Variants in ANKRD53 observed in about 807,000 individuals in gnomAD.
The protein encoded by ANKRD53 is ankyrin repeat domain 53, also known as ankyrin repeat domain-containing protein 53.
ANKRD53 carries 27 observed loss-of-function variants against 30.1 expected under a neutral mutation model. The ratio of observed to expected loss-of-function variants is 0.90; its 90% CI spans 0.66 to 1.24. The LOEUF (loss-of-function observed/expected upper bound fraction) is 1.24, where lower values mean the gene tolerates loss of function less well. Ranked by LOEUF, ANKRD53 falls within the 50% of genes most tolerant of loss-of-function variation. The pLI, the probability that ANKRD53 is intolerant of heterozygous loss-of-function variation, is 0.00. For missense variants in ANKRD53, 682 were observed against 721.0 expected (o/e 0.95, Z 0.62); for synonymous variants, 286 against 295.4 (o/e 0.97, Z 0.33).
At chr2:70,983,448 G>A (rs1670070590) in intron 5 of ANKRD53, among the ~76,000 whole-genome samples, 1 of 152,186 alleles carries the variant, frequency 6.6e-6, no homozygotes, top group Non-Finnish European at 1.5e-5. Flanking sequence ...GGAAGAAAGG[G>A]GATTTTAAGC....
Position 70,985,172 on chromosome 2 carries a change from G to A in ANKRD53, c.1465G>A (p.Gly489Ser), listed in dbSNP as rs1553424611. ...GGAAGTGCCCAGGAAGCGGCACCTG[G>A]GTGACAACACCTTCTGGACCGACAC... ...MREVPRKRHL[G>S]DNTFWTDTLA... The change falls in exon 6 of 6, where the codon GGT becomes AGT. Residue 489 changes from glycine to serine, a missense_variant. Gly to Ser is a moderately conservative substitution (Grantham distance 56). Transcript: ENST00000360589. 6.4e-7 allele frequency: 1 copy of A among 1,551,268 alleles called. No homozygotes were observed. The highest frequency in any genetic ancestry group is 8.7e-7 in the Non-Finnish European group (1 of 1,146,912).
At position 70,984,395 on chromosome 2, in the gene ANKRD53, G is replaced by A. The variant is rs939983835; in HGVS notation, c.904-216G>A. On this transcript the variant is annotated intron_variant, in intron 5 of 5. Coordinates refer to ENST00000360589, the MANE Select transcript of ANKRD53 (RefSeq NM_001115116.2). Reference sequence around the variant, plus strand: ...CTTTGTCTCCCCACTCAGCCCAGGGGCTCCCTTATGGAAAAAGTTGTCTCC... The same window carrying A: ...CTTTGTCTCCCCACTCAGCCCAGGGACTCCCTTATGGAAAAAGTTGTCTCC... 5.1e-6 allele frequency: 8 copies of A among 1,558,454 alleles called. No individual in the cohort carries two copies. The Admixed American group carries it at 8.5e-5, about 17-fold the overall frequency.
Position 70,978,807 on chromosome 2 carries a change from G to A in ANKRD53, c.162G>A (p.Lys54=). 6.4e-7 allele frequency: 1 copy of A among 1,564,922 alleles called. No individual in the cohort carries two copies. The highest frequency in any genetic ancestry group is 1.4e-5 in the African/African-American group (1 of 73,382). ...LKATWTDAES[K]QPSQPLPDLA... is the part of the protein sequence containing the mutation. ...CCACCTGGACTGACGCGGAGTCCAA[G>A]CAGCCCAGGTGGGTAGCGGGAGAAG... The change falls in exon 1 of 6, where the codon AAG becomes AAA. Residue 54 remains lysine, a synonymous_variant. Coordinates refer to ENST00000360589, the MANE Select transcript of ANKRD53 (RefSeq NM_001115116.2). This position sits in a 1 kb window ranked among gnomAD's most constrained non-coding sequence, Gnocchi z 4.3.
chr2:70,984,107 T>C, intron 5 of ANKRD53: 4 of 1,606,678 alleles, frequency 2.5e-6, no homozygotes, highest in Non-Finnish European at 3.4e-6. Context: ...CAGTCCTTTC[T>C]GCTTTCTCTT....
Position 70,978,877 on chromosome 2 carries a change from G to T in ANKRD53, c.170+62G>T, listed in dbSNP as rs1395324672. ...CGAGAACCCGGCCCAGCGCCTCCCTGGTGGGCAGGGCCTGGAGCGGGCGGG... is the reference window on the plus strand; with the variant it reads ...CGAGAACCCGGCCCAGCGCCTCCCTTGTGGGCAGGGCCTGGAGCGGGCGGG... On this transcript the variant is annotated intron_variant, in intron 1 of 5. Transcript: ENST00000360589. The surrounding 1 kb of genome is among the most constrained non-coding windows in gnomAD (Gnocchi z 4.3). 10 of 1,519,530 alleles carry T rather than the reference G, an allele frequency of 6.6e-6. No individual in the cohort carries two copies. Among genetic ancestry groups the T allele is most frequent in the Non-Finnish European group, 8.8e-6 (10 of 1,132,130 alleles). 94.1% of individuals were successfully genotyped at this position (1,519,530 alleles called of 1,614,324 possible). A position where few individuals can be genotyped will look rare whatever the true frequency, so the allele number is the denominator to read the frequency against.
Position 70,984,844 on chromosome 2 carries a change from G to T in ANKRD53, c.1137G>T (p.Thr379=). The T allele has an allele frequency of 6.4e-7, 1 of 1,551,836 alleles. No individual in the cohort carries two copies. Among genetic ancestry groups the T allele is most frequent in the South Asian group, 1.2e-5 (1 of 84,130 alleles). Residue 379 remains threonine (T), a synonymous_variant, in exon 6 of 6, where the codon ACG becomes ACT. Coordinates refer to ENST00000360589, the MANE Select transcript of ANKRD53 (RefSeq NM_001115116.2). The part of the protein sequence containing the change: ...EMPKPIYRKP[T]VKRPTMWNVS... Reference sequence around the variant, plus strand: ...CCAAGCCCATCTACAGGAAGCCCACGGTCAAGCGGCCCACAATGTGGAATG... The same window carrying T: ...CCAAGCCCATCTACAGGAAGCCCACTGTCAAGCGGCCCACAATGTGGAATG...
Position 70,984,935 on chromosome 2 carries a change from G to T in ANKRD53, c.1228G>T (p.Val410Leu), listed in dbSNP as rs527399981. Residue 410 changes from valine (V) to leucine (L), a missense_variant, in exon 6 of 6, where the codon GTG becomes TTG. Val to Leu is a conservative substitution (Grantham distance 32, BLOSUM62 1). Transcript: ENST00000360589. Reference sequence around the variant, plus strand: ...CCACTCGCAGGGCATCCGCCTGGGCGTGCATCCAGACCCCACTCCGGAGCA... The same window carrying T: ...CCACTCGCAGGGCATCCGCCTGGGCTTGCATCCAGACCCCACTCCGGAGCA... Reference protein sequence around the residue: ...ISHSQGIRLGVHPDPTPEHDF... With the variant: ...ISHSQGIRLGLHPDPTPEHDF... The T allele has an allele frequency of 5.2e-6, 8 of 1,550,754 alleles. No individual in the cohort carries two copies. Among genetic ancestry groups the T allele is most frequent in the Non-Finnish European group, 7.0e-6 (8 of 1,146,966 alleles).
chr2:70,985,164 G>C lies in ANKRD53; in HGVS notation c.1457G>C (p.Arg486Pro). The C allele has an allele frequency of 6.4e-7, 1 of 1,551,222 alleles. No homozygotes were observed. Among genetic ancestry groups the C allele is most frequent in the Non-Finnish European group, 8.7e-7 (1 of 1,146,896 alleles). The part of the protein sequence containing the change: ...PISMREVPRK[R>P]HLGDNTFWTD... Reference sequence around the variant, plus strand: ...AGCATGAGGGAAGTGCCCAGGAAGCGGCACCTGGGTGACAACACCTTCTGG... The same window carrying C: ...AGCATGAGGGAAGTGCCCAGGAAGCCGCACCTGGGTGACAACACCTTCTGG... Residue 486 changes from arginine to proline, a missense_variant, in exon 6 of 6, where the codon CGG becomes CCG. Arg to Pro is a moderately radical substitution (Grantham distance 103). Coordinates refer to ENST00000360589, the MANE Select transcript of ANKRD53 (RefSeq NM_001115116.2).
chr2:70,980,627 C>T (rs1250490014), intron 3 of ANKRD53, among the ~76,000 whole-genome samples: 3 of 150,694 alleles, frequency 2.0e-5, no homozygotes, highest in Non-Finnish European at 3.0e-5. Context: ...GGCAATAGAG[C>T]GAGACTGTCT....
At position 70,984,816 on chromosome 2, in the gene ANKRD53, TGCCCAA is replaced by T. The variant is rs138620290; in HGVS notation, c.1115_1120del (p.Lys372_Pro373del). The T allele has an allele frequency of 2.5e-3, 3,906 of 1,553,204 alleles. 99 individuals carry two copies. The African/African-American group carries it at 0.048, about 19-fold the overall frequency. ...CAATGCATTCCACAGCCCACGGAGATGCCCAAGCCCATCTACAGGAAGCCCACGGTC... is the reference window on the plus strand; with the variant it reads ...CAATGCATTCCACAGCCCACGGAGATGCCCATCTACAGGAAGCCCACGGTC... On this transcript the variant is annotated inframe_deletion, in exon 6 of 6. Coordinates refer to ENST00000360589, the MANE Select transcript of ANKRD53 (RefSeq NM_001115116.2).
intron 2 of ANKRD53, 129 bp downstream of exon 2, chr2:70,979,472 A>T: frequency 6.7e-7 from 1 of 1,497,240 alleles, no homozygotes. Flanking sequence ...CTGGCTGTGG[A>T]AGGACCATTT....
At position 70,979,169 on chromosome 2, in the gene ANKRD53, C is replaced by T. The variant is rs782078166; in HGVS notation, c.243C>T (p.Ala81=). 24 of 1,612,232 alleles carry T rather than the reference C, an allele frequency of 1.5e-5. No homozygotes were observed. The highest frequency in any genetic ancestry group is 2.0e-5 in the Non-Finnish European group (24 of 1,179,696). Residue 81 remains alanine (A), a synonymous_variant, in exon 2 of 6, where the codon GCC becomes GCT. Transcript: ENST00000360589. The part of the protein sequence containing the change: ...ATALARPRRP[A]SLTPPRADPS... Reference sequence around the variant, plus strand: ...CCCTCGCCAGGCCGCGCCGCCCTGCCTCGCTCACCCCGCCCCGCGCTGACC... The same window carrying T: ...CCCTCGCCAGGCCGCGCCGCCCTGCTTCGCTCACCCCGCCCCGCGCTGACC...
chr2:70,979,010 C>A, intron 1 of ANKRD53, 87 bp from the exon 2 acceptor site: 1 of 1,469,332 alleles, frequency 6.8e-7, no homozygotes, highest in East Asian at 2.4e-5. Context: ...CTGCCCCGCC[C>A]ACCAGCCAGG....
chr2:70,978,791 C>G lies in ANKRD53; in HGVS notation c.146C>G (p.Thr49Ser). Residue 49 changes from threonine to serine, a missense_variant, in exon 1 of 6, where the codon ACT becomes AGT. By Grantham distance (58) the Thr-to-Ser change is moderately conservative. Transcript: ENST00000360589. The surrounding 1 kb of genome is among the most constrained non-coding windows in gnomAD (Gnocchi z 4.3). ...ANKVSLKATW[T>S]DAESKQPSQP... The stretch of plus-strand genomic sequence containing the variant: ...AAAGTCTCCTTGAAGGCCACCTGGA[C>G]TGACGCGGAGTCCAAGCAGCCCAGG... 2 of 1,571,376 alleles carry G rather than the reference C, an allele frequency of 1.3e-6. No homozygotes were observed. Among genetic ancestry groups the G allele is most frequent in the South Asian group, 2.3e-5 (2 of 85,364 alleles).
rs1553424208 is a variant in ANKRD53, at chr2:70,984,266, T to C, written c.904-345T>C. 4 of 1,614,066 alleles carry C rather than the reference T, an allele frequency of 2.5e-6. No homozygotes were observed. The African/African-American group carries it at 5.3e-5, about 22-fold the overall frequency. On this transcript the variant is annotated intron_variant, in intron 5 of 5. Transcript: ENST00000360589. ...TGTCTTTCTGTAAGACTTGAGGTTT[T>C]CCCTAGGGCAGGGACTGTGTCTCCC...
Position 70,982,638 on chromosome 2 carries a change from A to G in ANKRD53, c.844A>G (p.Met282Val). 6.2e-7 allele frequency: 1 copy of G among 1,614,144 alleles called. No homozygotes were observed. The highest frequency in any genetic ancestry group is 1.6e-4 in the Middle Eastern group (1 of 6,062). ...GGACTTTGCCCGTGAGATGACGAAA[A>G]TGAAGATGTTCAAGAGCCAGCTGAC... The part of the protein sequence containing the change: ...KKDFAREMTK[M>V]KMFKSQLTLM... Residue 282 changes from methionine (M) to valine (V), a missense_variant, in exon 5 of 6, where the codon ATG becomes GTG. Physicochemically the swap from Met to Val is conservative, Grantham distance 21 (BLOSUM62 1). Transcript: ENST00000360589. The surrounding 1 kb of genome is among the most constrained non-coding windows in gnomAD (Gnocchi z 4.2).
At chr2:70,980,049 C>A (rs1163043798) in intron 3 of ANKRD53, among the ~76,000 whole-genome samples, 189 bp downstream of exon 3, 1 of 152,240 alleles carries the variant, frequency 6.6e-6, no homozygotes, top group African/African-American at 2.4e-5. Context: ...GGCATGGTGG[C>A]TCATGCCTAT....
chr2:70,984,338 T>C, intron 5 of ANKRD53: 1 of 1,606,166 alleles, frequency 6.2e-7, no homozygotes, highest in South Asian at 1.1e-5. Flanking sequence ...ATCTCTCCCA[T>C]CAGATTGGAG....
chr2:70,979,082 T>C lies in ANKRD53; in HGVS notation c.171-15T>C. 7.6e-7 allele frequency: 1 copy of C among 1,322,060 alleles called. No individual in the cohort carries two copies. 81.9% of individuals were successfully genotyped at this position (1,322,060 alleles called of 1,614,324 possible). A position where few individuals can be genotyped will look rare whatever the true frequency, so the allele number is the denominator to read the frequency against. On this transcript the variant is annotated splice_polypyrimidine_tract_variant and intron_variant, in intron 1 of 5. Transcript: ENST00000360589. ...CCGTGGCCCAGAGTCGCTTCCCCAC[T>C]GCCCCGCCCTCCAGCCAGCCCCTGC...
Sources: allele counts gnomAD v4.1 joint callset (sites outside exome capture counted in the v4.1 genomes callset), GRCh38; gene constraint gnomAD v4.1.1; non-coding constraint Gnocchi (gnomAD v3.1); transcripts MANE v1.5; gene names NCBI Gene and HGNC (gene_info 2026-07-23, HGNC 2026-07-21).